PDE1C: variants seen among roughly 807,000 people sequenced by gnomAD.
PDE1C encodes the protein dual specificity calcium/calmodulin-dependent 3',5'-cyclic nucleotide phosphodiesterase 1C.
A neutral mutation model predicts 93.1 loss-of-function variants in PDE1C; 62 were observed. That is an observed-to-expected ratio of 0.67 (90% CI 0.54 to 0.82). The LOEUF (loss-of-function observed/expected upper bound fraction) is 0.82, where lower values mean the gene tolerates loss of function less well. PDE1C is among the 40% of genes least tolerant of loss of function. The probability of loss-of-function intolerance (pLI) is 0.00; values close to 1 mark genes in which losing one functional copy is unlikely to be tolerated. For synonymous variants in PDE1C, 325 were observed against 310.1 expected (o/e 1.05, Z -0.50); for missense variants, 742 against 884.6 (o/e 0.84, Z 2.04).
intron 2 of PDE1C, among the ~76,000 whole-genome samples, chr7:31,884,033 T>C (rs538586232): frequency 6.6e-6 from 1 of 152,196 alleles, no homozygotes; most frequent in African/African-American, 2.4e-5. Flanking sequence ...ACCTTTTGGA[T>C]GCGTGGGAGG....
chr7:32,374,256 G>GAAGAAAGAAAGAAAGAAAGAAAGAAAGA (rs34264888), intron 1 of PDE1C, among the ~76,000 whole-genome samples: 17 of 113,340 alleles, frequency 1.5e-4, no homozygotes, highest in East Asian at 5.5e-4. Flanking sequence ...GAAAGGAAAG[G>GAAGAAAGAAAGAAAGAAAGAAAGAAAGA]AAGAAAGAAA....
intron 1 of PDE1C, among the ~76,000 whole-genome samples, chr7:32,371,760 G>T (rs1299859512): frequency 6.6e-6 from 1 of 152,186 alleles, no homozygotes; most frequent in Non-Finnish European, 1.5e-5. Context: ...ATATTATTAA[G>T]ATAGTAATAC....
At chr7:32,131,142 A>C (rs899083468) in intron 3 of PDE1C, among the ~76,000 whole-genome samples, 1 of 152,138 alleles carries the variant, frequency 6.6e-6, no homozygotes, top group Admixed American at 6.5e-5. Context: ...TTAGTGTCTC[A>C]GGAGTTTTAA....
At chr7:32,008,618 C>A (rs144931478) in intron 2 of PDE1C, among the ~76,000 whole-genome samples, 179 of 152,252 alleles carry the variant, frequency 1.2e-3, no homozygotes, top group African/African-American at 4.1e-3. Context: ...CAATATGTCA[C>A]ACATAAAAAT....
In PDE1C at chr7:32,378,123, G is replaced by A. The variant is rs557542093; in HGVS notation, c.310+49699C>T. Among the ~76,000 whole-genome samples, 19 of 152,274 alleles carry A rather than the reference G, an allele frequency of 1.2e-4. No homozygotes were observed. In the South Asian group the frequency reaches 3.9e-3, roughly 32 times the overall value. ...TTGTGTTCTAACAGCCATGTTAGGAGTCCTACCAACTGGGTGCATTTACTG... is the reference window on the plus strand; with the variant it reads ...TTGTGTTCTAACAGCCATGTTAGGAATCCTACCAACTGGGTGCATTTACTG... On this transcript the variant is annotated intron_variant, in intron 1 of 1. Coordinates refer to the PDE1C transcript ENST00000672256.
At chr7:31,651,028 T>G in the PDE1C span, 1 of 1,148,966 alleles carries the variant, frequency 8.7e-7, no homozygotes, top group African/African-American at 1.6e-5. Context: ...ATATTAGCAG[T>G]AGGGCCTGTT....
chr7:32,000,918 T>G (rs1322133631), intron 2 of PDE1C, among the ~76,000 whole-genome samples: 1 of 152,188 alleles, frequency 6.6e-6, no homozygotes, highest in Non-Finnish European at 1.5e-5. Context: ...TGAAAAGGAC[T>G]ACTATTTGCT....
Position 32,023,042 on chromosome 7 carries a change from C to T in PDE1C, c.128+28512G>A, listed in dbSNP as rs565858295. Among the ~76,000 whole-genome samples, 63 of 151,748 alleles carry T rather than the reference C, an allele frequency of 4.2e-4. No homozygotes were observed. The Middle Eastern group carries it at 0.02, about 49-fold the overall frequency. On this transcript the variant is annotated intron_variant, in intron 2 of 17. Coordinates refer to ENST00000396191, the MANE Select transcript of PDE1C (RefSeq NM_001191057.4). ...CTTCCTCTTTCCTATTTGCTCCCAA[C>T]GATTTAATGCACATACACAAGACTG...
rs147462417 is a variant in PDE1C at position 32,295,893 on chromosome 7, C to CAA, written c.85+2756_85+2757dup. 4.7e-4 allele frequency among the ~76,000 whole-genome samples: 40 copies of CAA among 85,086 alleles called. 1 individual carries two copies. The highest frequency in any genetic ancestry group is 1.7e-3 in the African/African-American group (38 of 22,602). 55.8% of individuals were successfully genotyped at this position (85,086 alleles called of 152,430 possible). A position where few individuals can be genotyped will look rare whatever the true frequency, so the allele number is the denominator to read the frequency against. ...CGGGTGAGAGAGCGAGACTCTGTCT[C>CAA]AAAAAAAAAAAAAAAAAAAAAAAAT... On this transcript the variant is annotated intron_variant, in intron 1 of 18. Coordinates refer to the PDE1C transcript ENST00000396193.
chr7:31,983,168 G>T (rs749117398), intron 2 of PDE1C, among the ~76,000 whole-genome samples: 1 of 152,146 alleles, frequency 6.6e-6, no homozygotes, highest in Non-Finnish European at 1.5e-5. Flanking sequence ...TTGCTCCAGG[G>T]CTAAGTGATG....
chr7:31,733,993 G>A, the PDE1C span, among the ~76,000 whole-genome samples: 1 of 137,362 alleles, frequency 7.3e-6, no homozygotes, highest in Non-Finnish European at 1.6e-5. Flanking sequence ...AACAGAGTGA[G>A]ACTCTGTTTC....
intron 16 of PDE1C, chr7:31,789,868 C>G: frequency 3.9e-6 from 4 of 1,036,410 alleles, no homozygotes; most frequent in Non-Finnish European, 4.6e-6. Context: ...TTTTTCAGGC[C>G]TCTCCCAGCA....
At chr7:32,370,633 G>A (rs887860068) in intron 1 of PDE1C, among the ~76,000 whole-genome samples, 1 of 149,796 alleles carries the variant, frequency 6.7e-6, no homozygotes, top group African/African-American at 2.5e-5. Flanking sequence ...ACCGGGGCCT[G>A]TCATGGGGTG....
chr7:31,624,176 C>G, the PDE1C span, among the ~76,000 whole-genome samples: 2 of 149,776 alleles, frequency 1.3e-5, no homozygotes, highest in Non-Finnish European at 1.5e-5. Flanking sequence ...GAGTCAATAT[C>G]GTGAAAATGG....
At chr7:32,330,308 G>A (rs186700083) in intron 1 of PDE1C, among the ~76,000 whole-genome samples, 74 of 152,320 alleles carry the variant, frequency 4.9e-4, no homozygotes, top group African/African-American at 1.6e-3. Flanking sequence ...CTGGCTCCAC[G>A]GCCTTGCTCA....
At chr7:32,268,833 C>T (rs1810782661) in intron 1 of PDE1C, among the ~76,000 whole-genome samples, 2 of 152,150 alleles carry the variant, frequency 1.3e-5, no homozygotes, top group South Asian at 2.1e-4. Flanking sequence ...CTTCCTGGGT[C>T]CTCAAATGCA....
At position 32,096,590 on chromosome 7, in the gene PDE1C, T is replaced by C. The variant is rs77732579; in HGVS notation, c.308+73195A>G. 8.0e-3 allele frequency among the ~76,000 whole-genome samples: 1,221 copies of C among 152,334 alleles called. 14 individuals carry two copies. Among genetic ancestry groups the C allele is most frequent in the African/African-American group, 0.028 (1,152 of 41,568 alleles). ...GTTCTAAATCTGTCTTGTGGGGCTG[T>C]ATTAAGAATCAAATGAACACTATTA... is the stretch of plus-strand genomic sequence containing the variant. On this transcript the variant is annotated intron_variant, in intron 3 of 18. Coordinates refer to the PDE1C transcript ENST00000396193.
chr7:32,288,685 G>A (rs1812155406), intron 1 of PDE1C, among the ~76,000 whole-genome samples: 2 of 152,168 alleles, frequency 1.3e-5, no homozygotes, highest in African/African-American at 4.8e-5. Context: ...TGTTTAAGGT[G>A]AGTCACTAGA....
At chr7:31,972,646 A>G (rs1811112016) in intron 2 of PDE1C, among the ~76,000 whole-genome samples, 1 of 152,206 alleles carries the variant, frequency 6.6e-6, no homozygotes, top group African/African-American at 2.4e-5. Context: ...ATATAACACA[A>G]CAAACAATCA....
Sources: allele counts gnomAD v4.1 joint callset (sites outside exome capture counted in the v4.1 genomes callset), GRCh38; gene constraint gnomAD v4.1.1; transcripts MANE v1.5; gene names NCBI Gene and HGNC (gene_info 2026-07-23, HGNC 2026-07-21).